Variants in PRIM2 observed in about 807,000 individuals in gnomAD.
PRIM2 encodes the protein DNA primase large subunit.
A neutral mutation model predicts 67.3 loss-of-function variants in PRIM2; 39 were observed. The observed-to-expected ratio is 0.58, with a 90% CI of 0.45 to 0.76. The LOEUF is 0.76. PRIM2 is among the 30% of genes least tolerant of loss of function. PRIM2 has a pLI of 0.00. For synonymous variants in PRIM2, 143 were observed against 198.7 expected, an observed-to-expected ratio of 0.72 and a Z score of 2.36; for missense variants, 398 against 598.7, an observed-to-expected ratio of 0.66 and a Z score of 3.50.
intron 10 of PRIM2, among the ~76,000 whole-genome samples, chr6:57,557,817 AGTCT>A (rs1775546782): frequency 1.3e-5 from 2 of 152,122 alleles, no homozygotes; most frequent in South Asian, 4.1e-4. Flanking sequence ...CAGGGAACAT[AGTCT>A]ATACTAGACT....
chr6:57,611,516 A>G (rs1776665979), intron 12 of PRIM2, among the ~76,000 whole-genome samples: 1 of 152,172 alleles, frequency 6.6e-6, no homozygotes, highest in Non-Finnish European at 1.5e-5. Context: ...GCAATTTAAT[A>G]AGGAAATGGT....
chr6:57,366,387 G>T (rs1445888574), intron 5 of PRIM2, among the ~76,000 whole-genome samples: 1 of 152,152 alleles, frequency 6.6e-6, no homozygotes, highest in Non-Finnish European at 1.5e-5. Flanking sequence ...AACTTTGATG[G>T]ACACAAAGAG....
chr6:57,432,964 C>T lies in PRIM2; in HGVS notation c.693+50796C>T, dbSNP rs183027038. Among the ~76,000 whole-genome samples the T allele has an allele frequency of 2.8e-3, 420 of 152,272 alleles. 1 individual carries two copies. Among genetic ancestry groups the T allele is most frequent in the Admixed American group, 5.7e-3 (87 of 15,296 alleles). ...TAATACAGCTTTTTCTAAATTCTAC[C>T]ATTAGTACTTGCAGGTACCTGCTAA... On this transcript the variant is annotated intron_variant, in intron 7 of 13. Transcript: ENST00000615550.
chr6:57,592,967 C>G (rs1266927664), intron 10 of PRIM2, among the ~76,000 whole-genome samples: 1 of 152,034 alleles, frequency 6.6e-6, no homozygotes, highest in Non-Finnish European at 1.5e-5. Context: ...GGTCACTAGA[C>G]CCTGGGTGGG....
rs868328142 is a variant in PRIM2 at position 57,337,940 on chromosome 6, A to G, written c.459+11895A>G. On this transcript the variant is annotated intron_variant, in intron 5 of 13. Transcript: ENST00000615550. ...AGGAGCTGGTTTTTTGAAAGGATCA[A>G]CAAAATTGATAGACCGCTAGCAAGA... Among the ~76,000 whole-genome samples the G allele has an allele frequency of 1.2e-4, 18 of 152,160 alleles. No homozygotes were observed. In the Middle Eastern group the frequency reaches 0.01, roughly 86 times the overall value.
Position 57,519,160 on chromosome 6 carries a change from G to A in PRIM2, c.761+11706G>A, listed in dbSNP as rs1554348593. On this transcript the variant is annotated intron_variant, in intron 8 of 13. Coordinates refer to ENST00000615550, the MANE Select transcript of PRIM2 (RefSeq NM_000947.5). ...TTACAAGGTAATAGAATATCACGAG[G>A]CAAGTGGAGGCAGGGCGAGATCACA... Among the ~76,000 whole-genome samples the A allele has an allele frequency of 4.5e-4, 68 of 152,288 alleles. 1 individual carries two copies. The South Asian group carries it at 0.014, about 31-fold the overall frequency.
the PRIM2 span, among the ~76,000 whole-genome samples, chr6:57,224,218 T>C: frequency 1.3e-5 from 2 of 152,290 alleles, no homozygotes; most frequent in Non-Finnish European, 2.9e-5. Flanking sequence ...GGAGGATCAC[T>C]TGAATCCAGG....
chr6:57,628,667 G>A (rs1441689105), intron 12 of PRIM2, among the ~76,000 whole-genome samples: 1 of 151,986 alleles, frequency 6.6e-6, no homozygotes, highest in Non-Finnish European at 1.5e-5. Flanking sequence ...AATCCCCAGT[G>A]TTTATTGTTG....
At chr6:57,434,127 T>C (rs1166032919) in intron 7 of PRIM2, among the ~76,000 whole-genome samples, 1 of 152,064 alleles carries the variant, frequency 6.6e-6, no homozygotes, top group Admixed American at 6.6e-5. Context: ...TTTCTCCATG[T>C]TGGTCAGGCT....
At chr6:57,528,092 T>A (rs1389810536) in intron 8 of PRIM2, among the ~76,000 whole-genome samples, 1 of 151,616 alleles carries the variant, frequency 6.6e-6, no homozygotes, top group East Asian at 1.9e-4. Flanking sequence ...GCCTCCTGAG[T>A]AGCTGAGACT....
chr6:57,437,616 G>A (rs1220453180), intron 7 of PRIM2, among the ~76,000 whole-genome samples: 1 of 150,106 alleles, frequency 6.7e-6, no homozygotes, highest in Non-Finnish European at 1.5e-5. Context: ...GTGATTGAGA[G>A]ATTATCTGTA....
At chr6:57,491,366 C>T (rs1773886519) in intron 7 of PRIM2, among the ~76,000 whole-genome samples, 1 of 152,138 alleles carries the variant, frequency 6.6e-6, no homozygotes, top group East Asian at 1.9e-4. Context: ...TAAAGTATTT[C>T]TCAACATAAT....
At chr6:57,374,720 A>G (rs1203701757) in intron 5 of PRIM2, among the ~76,000 whole-genome samples, 43 of 152,056 alleles carry the variant, frequency 2.8e-4, no homozygotes, top group Non-Finnish European at 5.6e-4. Flanking sequence ...CCCACTGAGT[A>G]GCTGGGATTA....
At chr6:57,338,516 A>G (rs1219090564) in intron 5 of PRIM2, among the ~76,000 whole-genome samples, 1 of 149,628 alleles carries the variant, frequency 6.7e-6, no homozygotes, top group African/African-American at 2.5e-5. Flanking sequence ...CACCATGATC[A>G]AGTGGGCTTC....
intron 12 of PRIM2, among the ~76,000 whole-genome samples, chr6:57,627,279 C>CAAAAAAAAAAAAAAAAAAAAAAAAA (rs1158722297): frequency 8.2e-5 from 2 of 24,536 alleles, no homozygotes; most frequent in African/African-American, 1.2e-4. Context: ...GACTCTGTCT[C>CAAAAAAAAAAAAAAAAAAAAAAAAA]AAAAAAAAAA....
At chr6:57,380,071 A>T in intron 6 of PRIM2, 75 bp downstream of exon 6, 1 of 1,202,490 alleles carries the variant, frequency 8.3e-7, no homozygotes, top group Non-Finnish European at 1.2e-6. Flanking sequence ...TATTTAATTA[A>T]TCCATTTTTA....
intron 7 of PRIM2, among the ~76,000 whole-genome samples, chr6:57,484,856 C>A (rs1281103938): frequency 6.6e-6 from 1 of 152,158 alleles, no homozygotes; most frequent in Non-Finnish European, 1.5e-5. Flanking sequence ...CACTCCCTTA[C>A]CAGATTGTTT....
the PRIM2 span, among the ~76,000 whole-genome samples, chr6:57,277,829 C>A: frequency 6.6e-6 from 1 of 151,076 alleles, no homozygotes; most frequent in South Asian, 2.1e-4. Flanking sequence ...AAAAATACAA[C>A]AAAAATTAGC....
At chr6:57,280,971 CCA>C in the PRIM2 span, among the ~76,000 whole-genome samples, 6 of 152,170 alleles carry the variant, frequency 3.9e-5, no homozygotes, top group African/African-American at 1.4e-4. Flanking sequence ...CCTCTGCTAA[CCA>C]CAGTCTACTC....
Sources: allele counts gnomAD v4.1 joint callset (sites outside exome capture counted in the v4.1 genomes callset), GRCh38; gene constraint gnomAD v4.1.1; transcripts MANE v1.5; gene names NCBI Gene and HGNC (gene_info 2026-07-23, HGNC 2026-07-21).